The following ADAMTS12 variants were observed in gnomAD, a reference collection of about 807,000 sequenced individuals.
ADAMTS12 encodes the protein A disintegrin and metalloproteinase with thrombospondin motifs 12.
In ADAMTS12, 118 loss-of-function variants were observed where a neutral mutation model predicts 167.8. That is an observed-to-expected ratio of 0.70 (90% CI 0.61 to 0.82). ADAMTS12 has a LOEUF of 0.82. Ranked by LOEUF, ADAMTS12 falls within the 40% of genes least tolerant of loss-of-function variation. ADAMTS12 has a pLI of 0.00. For missense variants in ADAMTS12, 1,916 were observed against 1,998.8 expected (o/e 0.96, Z 0.79); for synonymous variants, 704 against 716.9 (o/e 0.98, Z 0.29).
chr5:33,840,739 C>G lies in ADAMTS12; in HGVS notation c.489+40380G>C, dbSNP rs775429660. On this transcript the variant is annotated intron_variant, in intron 2 of 23. Coordinates refer to ENST00000504830, the MANE Select transcript of ADAMTS12 (RefSeq NM_030955.4). ...CCTTCTGGCATATGAGACCCTGGAT[C>G]CCCAGGGCCACCCTGCAGGGATAGG... Among the ~76,000 whole-genome samples, 9 of 152,206 alleles carry G rather than the reference C, an allele frequency of 5.9e-5. 1 individual carries two copies. Among genetic ancestry groups the G allele is most frequent in the Admixed American group, 4.6e-4 (7 of 15,282 alleles).
intron 7 of ADAMTS12, among the ~76,000 whole-genome samples, chr5:33,651,378 C>A (rs949971773): frequency 2.0e-5 from 3 of 152,174 alleles, no homozygotes; most frequent in African/African-American, 7.2e-5. Context: ...AAATTATTCA[C>A]TTGGGTGATA....
intron 3 of ADAMTS12, among the ~76,000 whole-genome samples, chr5:33,725,537 TAAGG>T (rs572424992): frequency 6.6e-6 from 1 of 152,034 alleles, no homozygotes; most frequent in Non-Finnish European, 1.5e-5. Context: ...CTTGCCAAAC[TAAGG>T]AAGGGAGGAA....
At chr5:33,729,018 CAT>C (rs1744083666) in intron 3 of ADAMTS12, among the ~76,000 whole-genome samples, 1 of 152,102 alleles carries the variant, frequency 6.6e-6, no homozygotes, top group Non-Finnish European at 1.5e-5. Flanking sequence ...CATGTTTGCA[CAT>C]ATGTGTAGGA....
chr5:33,728,433 G>A (rs1455583953), intron 3 of ADAMTS12, among the ~76,000 whole-genome samples: 2 of 152,152 alleles, frequency 1.3e-5, no homozygotes, highest in African/African-American at 2.4e-5. Flanking sequence ...CCTCCTGTCC[G>A]AATCAGCCTC....
intron 2 of ADAMTS12, among the ~76,000 whole-genome samples, chr5:33,854,796 G>C (rs1423986702): frequency 6.6e-6 from 1 of 152,194 alleles, no homozygotes; most frequent in Non-Finnish European, 1.5e-5. Flanking sequence ...GCCAGCCAGA[G>C]GCCCCATTCC....
intron 2 of ADAMTS12, among the ~76,000 whole-genome samples, chr5:33,765,306 T>G (rs180747317): frequency 5.9e-5 from 9 of 152,298 alleles, no homozygotes; most frequent in Non-Finnish European, 1.3e-4. Flanking sequence ...ACAGTTCTGT[T>G]ACTTCACCTG....
intron 2 of ADAMTS12, among the ~76,000 whole-genome samples, chr5:33,835,204 C>A (rs1406520123): frequency 6.6e-6 from 1 of 152,176 alleles, no homozygotes; most frequent in Non-Finnish European, 1.5e-5. Context: ...CAGTTCATAA[C>A]CTCCCAGGAC....
At chr5:33,745,963 C>G (rs917349850) in intron 3 of ADAMTS12, among the ~76,000 whole-genome samples, 1 of 152,174 alleles carries the variant, frequency 6.6e-6, no homozygotes, top group African/African-American at 2.4e-5. Flanking sequence ...AGCACTTTAT[C>G]AATCCTCCCA....
intron 12 of ADAMTS12, among the ~76,000 whole-genome samples, chr5:33,635,111 G>A (rs1740128375): frequency 6.6e-6 from 1 of 152,124 alleles, no homozygotes; most frequent in Non-Finnish European, 1.5e-5. Context: ...TGGTTAAGAT[G>A]CTTAAGAGGT....
intron 11 of ADAMTS12, 117 bp downstream of exon 11, chr5:33,641,693 C>T (rs1057480144): frequency 3.9e-6 from 4 of 1,023,800 alleles, no homozygotes; most frequent in Non-Finnish European, 5.3e-6. Context: ...GTCCTGGGAA[C>T]CCATTTAATT....
chr5:33,649,502 C>A, intron 8 of ADAMTS12, 52 bp downstream of exon 8: 1 of 1,591,698 alleles, frequency 6.3e-7, no homozygotes, highest in South Asian at 1.1e-5. Flanking sequence ...CTCAATGCAG[C>A]TTCCAATTTA....
chr5:33,706,612 C>T (rs2112308343), intron 3 of ADAMTS12, among the ~76,000 whole-genome samples: 1 of 152,266 alleles, frequency 6.6e-6, no homozygotes, highest in East Asian at 1.9e-4. Context: ...ATCCAATTTG[C>T]CAGTCTTTCT....
At chr5:33,690,008 G>A (rs1742494689) in intron 3 of ADAMTS12, among the ~76,000 whole-genome samples, 1 of 152,202 alleles carries the variant, frequency 6.6e-6, no homozygotes, top group Non-Finnish European at 1.5e-5. Context: ...TGTTCTCTGA[G>A]TTGGGCGAAC....
At chr5:33,700,743 G>T (rs35290190) in intron 3 of ADAMTS12, among the ~76,000 whole-genome samples, 48,417 of 152,036 alleles carry the variant, frequency 0.32, 8,322 homozygotes, top group Non-Finnish European at 0.38. Flanking sequence ...CAATATCTTG[G>T]TTGTGATATT....
intron 3 of ADAMTS12, among the ~76,000 whole-genome samples, chr5:33,744,571 T>C (rs111348732): frequency 7.8e-4 from 118 of 152,242 alleles, no homozygotes; most frequent in Admixed American, 3.8e-3. Context: ...CAAGGGCAGA[T>C]AGACTAGTTA....
At chr5:33,796,413 C>T (rs7717852) in intron 2 of ADAMTS12, among the ~76,000 whole-genome samples, 110,924 of 152,192 alleles carry the variant, frequency 0.73, 40,670 homozygotes, top group African/African-American at 0.77. Flanking sequence ...TTAGTGATTT[C>T]CTACACATTT....
At position 33,787,573 on chromosome 5, in the gene ADAMTS12, G is replaced by A. The variant is rs148597320; in HGVS notation, c.490-36025C>T. On this transcript the variant is annotated intron_variant, in intron 2 of 23. Transcript: ENST00000504830. Reference sequence around the variant, plus strand: ...GGGTAGGTTTGGCAGTGACATCAGCGATTGGAGCCATGCTCCTGGTGGGAG... The same window carrying A: ...GGGTAGGTTTGGCAGTGACATCAGCAATTGGAGCCATGCTCCTGGTGGGAG... 9.3e-4 allele frequency among the ~76,000 whole-genome samples: 141 copies of A among 152,320 alleles called. 2 individuals carry two copies. The East Asian group carries it at 0.019, about 20-fold the overall frequency.
intron 3 of ADAMTS12, among the ~76,000 whole-genome samples, chr5:33,711,853 A>G (rs569998437): frequency 6.6e-6 from 1 of 152,312 alleles, no homozygotes; most frequent in Non-Finnish European, 1.5e-5. Flanking sequence ...TGATCACTTA[A>G]TATTAGTTGT....
chr5:33,586,941 C>T (rs1747382240), intron 18 of ADAMTS12, among the ~76,000 whole-genome samples: 1 of 152,076 alleles, frequency 6.6e-6, no homozygotes, highest in African/African-American at 2.4e-5. Context: ...TCTTTGCATG[C>T]ATATCTTTAT....
Sources: gnomAD v4.1 joint callset for allele counts (sites outside exome capture counted in the v4.1 genomes callset) on GRCh38, gnomAD v4.1.1 for gene constraint, MANE v1.5 for transcripts, NCBI Gene and HGNC (gene_info 2026-07-23, HGNC 2026-07-21) for gene names.